Variants in USH2A observed in about 807,000 individuals in gnomAD.
USH2A encodes usherin, also known as Usher syndrome 2A (autosomal recessive, mild).
USH2A carries 443 observed loss-of-function variants against 538.9 expected under a neutral mutation model. The observed-to-expected ratio is 0.82, with a 90% confidence interval of 0.76 to 0.89. The LOEUF is 0.89. Ranked by LOEUF, USH2A falls within the 40% of genes least tolerant of loss-of-function variation. The probability of loss-of-function intolerance (pLI) is 0.00; values close to 1 mark genes in which losing one functional copy is unlikely to be tolerated. For synonymous variants in USH2A, 2,413 were observed against 2,273.5 expected (o/e 1.06, Z -1.75); for missense variants, 6,633 against 6,324.8 (o/e 1.05, Z -1.65).
At chr1:216,037,900 C>T (rs1013978760) in intron 32 of USH2A, among the ~76,000 whole-genome samples, 2 of 151,696 alleles carry the variant, frequency 1.3e-5, no homozygotes, top group African/African-American at 4.8e-5. Context: ...CCATGAGTCT[C>T]ATCATTTAGC....
At chr1:216,233,983 A>T (rs2035755717) in intron 13 of USH2A, among the ~76,000 whole-genome samples, 1 of 152,220 alleles carries the variant, frequency 6.6e-6, no homozygotes, top group Non-Finnish European at 1.5e-5. Context: ...AGGATCACAG[A>T]AGGATTCTAA....
chr1:215,949,149 T>G (rs1459908030), intron 37 of USH2A, among the ~76,000 whole-genome samples: 1 of 152,014 alleles, frequency 6.6e-6, no homozygotes, highest in Non-Finnish European at 1.5e-5. Flanking sequence ...TTAAAAACAC[T>G]GACGTAATAC....
At chr1:215,794,098 A>G (rs1217676537) in intron 50 of USH2A, among the ~76,000 whole-genome samples, 2 of 152,230 alleles carry the variant, frequency 1.3e-5, no homozygotes, top group African/African-American at 4.8e-5. Flanking sequence ...ATCCCGAGAT[A>G]CCTGTATAAC....
intron 47 of USH2A, among the ~76,000 whole-genome samples, chr1:215,833,962 T>C (rs1663402720): frequency 6.6e-6 from 1 of 152,080 alleles, no homozygotes. Flanking sequence ...CTTATCAGTA[T>C]CATTAGTCAT....
At chr1:215,803,387 T>C (rs1248051946) in intron 49 of USH2A, among the ~76,000 whole-genome samples, 1 of 152,116 alleles carries the variant, frequency 6.6e-6, no homozygotes, top group African/African-American at 2.4e-5. Context: ...GAAAACCCCA[T>C]CATCTCAGCC....
chr1:216,403,931 C>G (rs1485972267), intron 3 of USH2A, among the ~76,000 whole-genome samples: 1 of 152,134 alleles, frequency 6.6e-6, no homozygotes, highest in Non-Finnish European at 1.5e-5. Flanking sequence ...TCACACCTCA[C>G]TCTTCTCTCT....
At chr1:216,110,941 T>C (rs547896387) in intron 21 of USH2A, among the ~76,000 whole-genome samples, 1 of 152,292 alleles carries the variant, frequency 6.6e-6, no homozygotes, top group South Asian at 2.1e-4. Context: ...ACTACCTGTA[T>C]CTGGCCGGGC....
chr1:215,982,253 G>A (rs1667768684), intron 35 of USH2A, among the ~76,000 whole-genome samples: 1 of 152,166 alleles, frequency 6.6e-6, no homozygotes, highest in Non-Finnish European at 1.5e-5. Context: ...GTTGATCTGA[G>A]AATCAAACAA....
At position 216,097,204 on chromosome 1, in the gene USH2A, G is replaced by T. The variant is rs1261171382; in HGVS notation, c.4637C>A (p.Ala1546Asp). The T allele has an allele frequency of 6.2e-7, 1 of 1,614,120 alleles. No individual in the cohort carries two copies. Among genetic ancestry groups the T allele is most frequent in the South Asian group, 1.1e-5 (1 of 91,078 alleles). ...PVNTDFTGIK[A>D]SFRTKVPEGL... ...TTCAGGCACTTTTGTTCGAAAGCTG[G>T]CCTTAATGCCTGGTAAGACAAGTGT... Residue 1546 changes from alanine to aspartate, a missense_variant, in exon 22 of 72, where the codon GCC becomes GAC. Transcript: ENST00000307340.
chr1:215,782,703 A>AT, intron 53 of USH2A, 35 bp downstream of exon 53: 1 of 1,603,616 alleles, frequency 6.2e-7, no homozygotes, highest in Non-Finnish European at 8.5e-7. Flanking sequence ...AATTTATGGG[A>AT]TTTTGTTATT....
At chr1:216,385,416 G>A (rs2102738780) in intron 3 of USH2A, among the ~76,000 whole-genome samples, 1 of 152,308 alleles carries the variant, frequency 6.6e-6, no homozygotes, top group South Asian at 2.1e-4. Context: ...TGATGTGGAT[G>A]ATGAAAGTAA....
rs1033269973 is a variant in USH2A at position 216,056,382 on chromosome 1, C to T, written c.6050-7735G>A. ...GTGTCCAAGGTCCCCTGCTACAAGCCTCTGATATTGTTATTCCATTGTACA... is the reference window on the plus strand; with the variant it reads ...GTGTCCAAGGTCCCCTGCTACAAGCTTCTGATATTGTTATTCCATTGTACA... On this transcript the variant is annotated intron_variant, in intron 30 of 71. Transcript: ENST00000307340. Among the ~76,000 whole-genome samples, 9 of 152,186 alleles carry T rather than the reference C, an allele frequency of 5.9e-5. No homozygotes were observed. In the East Asian group the frequency reaches 1.7e-3, roughly 29 times the overall value.
intron 35 of USH2A, among the ~76,000 whole-genome samples, chr1:215,973,211 A>T (rs1302593459): frequency 1.3e-5 from 2 of 152,176 alleles, no homozygotes; most frequent in East Asian, 3.8e-4. Flanking sequence ...TTCTTACATA[A>T]TTGGGGAACA....
chr1:216,153,329 G>A (rs1484659755), intron 21 of USH2A, among the ~76,000 whole-genome samples: 1 of 152,104 alleles, frequency 6.6e-6, no homozygotes, highest in Admixed American at 6.6e-5. Context: ...TACTACCATG[G>A]GACTGGAGCC....
chr1:216,370,339 C>A (rs555959297), intron 3 of USH2A, among the ~76,000 whole-genome samples: 1 of 134,924 alleles, frequency 7.4e-6, no homozygotes. Context: ...CCAGCCTGGG[C>A]GACAGAGTGA....
chr1:216,086,851 C>T (rs1176303631), intron 23 of USH2A, 31 bp from the exon 24 acceptor site: 3 of 1,517,248 alleles, frequency 2.0e-6, no homozygotes, highest in African/African-American at 2.7e-5. Context: ...AATACACCTT[C>T]ACCAGGATAC....
intron 70 of USH2A, among the ~76,000 whole-genome samples, 199 bp from the exon 71 acceptor site, chr1:215,629,234 T>C (rs1656177352): frequency 6.6e-6 from 1 of 152,170 alleles, no homozygotes; most frequent in Non-Finnish European, 1.5e-5. Context: ...CTGGGTTTCT[T>C]GGTAAGAAGG....
At chr1:216,113,894 T>C (rs2032938062) in intron 21 of USH2A, among the ~76,000 whole-genome samples, 1 of 151,686 alleles carries the variant, frequency 6.6e-6, no homozygotes, top group Non-Finnish European at 1.5e-5. Context: ...AAATAAAGTA[T>C]TAAATATAAA....
intron 37 of USH2A, among the ~76,000 whole-genome samples, chr1:215,937,945 C>T (rs1423514116): frequency 1.3e-5 from 2 of 151,942 alleles, no homozygotes; most frequent in Non-Finnish European, 2.9e-5. Flanking sequence ...AAAACAAACA[C>T]TACTGCTTGC....
Sources: allele counts gnomAD v4.1 joint callset (sites outside exome capture counted in the v4.1 genomes callset), GRCh38; gene constraint gnomAD v4.1.1; transcripts MANE v1.5; gene names NCBI Gene and HGNC (gene_info 2026-07-23, HGNC 2026-07-21).